COL26A1: variants seen among roughly 807,000 people sequenced by gnomAD.
COL26A1 encodes collagen alpha-1(XXVI) chain.
In COL26A1, 41 loss-of-function variants were observed where a neutral mutation model predicts 59.3. The observed-to-expected ratio is 0.69, with a 90% CI of 0.54 to 0.90. The LOEUF (loss-of-function observed/expected upper bound fraction) is 0.90, where lower values mean the gene tolerates loss of function less well. Among genes scored for constraint, COL26A1 ranks in the 40% least tolerant of loss-of-function variants. The pLI is 0.00. For missense variants in COL26A1, 612 were observed against 602.3 expected (o/e 1.02, Z -0.17); for synonymous variants, 266 against 256.0 (o/e 1.04, Z -0.37).
intron 1 of COL26A1, among the ~76,000 whole-genome samples, chr7:101,392,236 ACAG>A (rs773048401): frequency 3.3e-5 from 5 of 151,968 alleles, no homozygotes; most frequent in African/African-American, 7.3e-5. Flanking sequence ...TTGCAGGAAA[ACAG>A]CAGGAGTGAA....
At chr7:101,439,314 C>T (rs1371238866) in intron 2 of COL26A1, among the ~76,000 whole-genome samples, 1 of 136,026 alleles carries the variant, frequency 7.4e-6, no homozygotes, top group African/African-American at 2.8e-5. Context: ...AGGAGGTGAC[C>T]TAGAGAGAGA....
In COL26A1 at chr7:101,520,358, C is replaced by G. The variant is rs115982870; in HGVS notation, c.386-12724C>G. On this transcript the variant is annotated intron_variant, in intron 3 of 12. Transcript: ENST00000313669. ...CCCTCCCAGCCTCCTGATAGCAGAG[C>G]CTTTTATAGCCAAATCATTTTGGAG... 3.8e-3 allele frequency among the ~76,000 whole-genome samples: 576 copies of G among 152,194 alleles called. 6 individuals are homozygous for G. Among genetic ancestry groups the G allele is most frequent in the African/African-American group, 0.013 (553 of 41,530 alleles).
intron 1 of COL26A1, among the ~76,000 whole-genome samples, chr7:101,392,647 C>T (rs1584367136): frequency 2.0e-5 from 3 of 152,086 alleles, no homozygotes; most frequent in Admixed American, 6.6e-5. Context: ...AGTGATCCAC[C>T]CGCCTCAGCC....
At chr7:101,468,170 G>T (rs1224378549) in intron 3 of COL26A1, among the ~76,000 whole-genome samples, 1 of 151,918 alleles carries the variant, frequency 6.6e-6, no homozygotes, top group Non-Finnish European at 1.5e-5. Flanking sequence ...GGGCATGGTG[G>T]TGCACGCCTG....
At chr7:101,439,623 A>G (rs1793002496) in intron 2 of COL26A1, among the ~76,000 whole-genome samples, 1 of 150,992 alleles carries the variant, frequency 6.6e-6, no homozygotes, top group African/African-American at 2.4e-5. Flanking sequence ...TGGCTGGAAA[A>G]CAAAGTCACC....
intron 3 of COL26A1, among the ~76,000 whole-genome samples, chr7:101,524,193 C>T (rs13236265): frequency 0.26 from 39,822 of 151,478 alleles, 5,369 homozygotes; most frequent in Middle Eastern, 0.35. Flanking sequence ...GTTGCTTGAA[C>T]CCAGGAGGCA....
chr7:101,528,424 C>T (rs942429969), intron 3 of COL26A1, among the ~76,000 whole-genome samples: 3 of 152,066 alleles, frequency 2.0e-5, no homozygotes, highest in Non-Finnish European at 4.4e-5. Flanking sequence ...CCATGTCCAC[C>T]TCCTCCTCCT....
intron 3 of COL26A1, among the ~76,000 whole-genome samples, chr7:101,509,214 G>A (rs1295214335): frequency 6.6e-6 from 1 of 152,136 alleles, no homozygotes; most frequent in Non-Finnish European, 1.5e-5. Flanking sequence ...GGAGGCCGAG[G>A]TGGGCGGATG....
At chr7:101,542,398 G>A (rs529629254) in intron 5 of COL26A1, among the ~76,000 whole-genome samples, 2 of 152,310 alleles carry the variant, frequency 1.3e-5, no homozygotes, top group African/African-American at 4.8e-5. Flanking sequence ...AGCGCACCCA[G>A]CCTACAGATA....
intron 3 of COL26A1, among the ~76,000 whole-genome samples, chr7:101,496,339 C>T (rs568983767): frequency 3.4e-4 from 52 of 152,124 alleles, no homozygotes; most frequent in Non-Finnish European, 6.6e-4. Context: ...ACCAAGACAC[C>T]GGATTGCAGC....
chr7:101,451,388 A>G (rs1337109061), intron 3 of COL26A1, among the ~76,000 whole-genome samples: 1 of 147,116 alleles, frequency 6.8e-6, no homozygotes, highest in Admixed American at 6.9e-5. Context: ...TGTTATATTT[A>G]AATTATAATT....
chr7:101,418,863 T>C (rs899251868), intron 1 of COL26A1, among the ~76,000 whole-genome samples: 3 of 152,032 alleles, frequency 2.0e-5, no homozygotes, highest in Non-Finnish European at 2.9e-5. Flanking sequence ...TTTCCTCCTC[T>C]CCACTGCCCA....
At chr7:101,464,256 A>G (rs1307132289) in intron 3 of COL26A1, among the ~76,000 whole-genome samples, 2 of 151,458 alleles carry the variant, frequency 1.3e-5, no homozygotes, top group Non-Finnish European at 2.9e-5. Context: ...TCATGCCACC[A>G]CTCCCAGCTA....
At chr7:101,431,467 G>A (rs963935021) in intron 2 of COL26A1, among the ~76,000 whole-genome samples, 5 of 151,940 alleles carry the variant, frequency 3.3e-5, no homozygotes, top group South Asian at 2.1e-4. Context: ...ACCATGTTGC[G>A]TAGGCTGGTC....
Position 101,393,276 on chromosome 7 carries a change from T to C in COL26A1, c.159-26701T>C, listed in dbSNP as rs182869182. ...GAGTTTGTTAAGGAGTATTAACTCCTGAATTAACACGATCACAAGGTCTCA... is the reference window on the plus strand; with the variant it reads ...GAGTTTGTTAAGGAGTATTAACTCCCGAATTAACACGATCACAAGGTCTCA... On this transcript the variant is annotated intron_variant, in intron 1 of 12. Transcript: ENST00000313669. 2.0e-5 allele frequency among the ~76,000 whole-genome samples: 3 copies of C among 152,300 alleles called. No homozygotes were observed. The East Asian group carries it at 5.8e-4, about 29-fold the overall frequency.
At chr7:101,397,417 TTTC>T (rs1324122926) in intron 1 of COL26A1, among the ~76,000 whole-genome samples, 2 of 151,702 alleles carry the variant, frequency 1.3e-5, no homozygotes, top group Non-Finnish European at 2.9e-5. Flanking sequence ...TTTTCTCTTC[TTTC>T]TTTTCTCTTT....
At chr7:101,535,837 C>G (rs1795470304) in intron 4 of COL26A1, among the ~76,000 whole-genome samples, 1 of 152,152 alleles carries the variant, frequency 6.6e-6, no homozygotes, top group Non-Finnish European at 1.5e-5. Flanking sequence ...GAGTGGGGAG[C>G]TGGGGTTGGT....
intron 3 of COL26A1, among the ~76,000 whole-genome samples, chr7:101,498,166 C>T (rs1794627839): frequency 6.6e-6 from 1 of 152,164 alleles, no homozygotes; most frequent in South Asian, 2.1e-4. Flanking sequence ...TGGCTATTGT[C>T]TCTCTCCCCG....
rs748953923 is a variant in COL26A1 at position 101,549,231 on chromosome 7, C to CT, written c.993+11dup. On this transcript the variant is annotated intron_variant, in intron 9 of 12. Transcript: ENST00000313669. ...GGAACACCTGGATCCCAGGTAAGGA[C>CT]TTTGCCATTTTAGGTAGGGTGTGGG... 449 of 1,601,586 alleles carry CT rather than the reference C, an allele frequency of 2.8e-4. No homozygotes were observed. Among genetic ancestry groups the CT allele is most frequent in the Middle Eastern group, 8.3e-4 (5 of 6,026 alleles).
Sources: allele counts gnomAD v4.1 joint callset (sites outside exome capture counted in the v4.1 genomes callset), GRCh38; gene constraint gnomAD v4.1.1; transcripts MANE v1.5; gene names NCBI Gene and HGNC (gene_info 2026-07-23, HGNC 2026-07-21).